The following GABRG3 variants were observed in gnomAD, a reference collection of about 807,000 sequenced individuals.
The protein encoded by GABRG3 is gamma-aminobutyric acid type A receptor subunit gamma3.
Under a neutral mutation model 48.8 loss-of-function variants are expected in GABRG3, and 25 were observed. That is an observed-to-expected ratio of 0.51 (90% CI 0.37 to 0.72). The LOEUF (loss-of-function observed/expected upper bound fraction) is 0.72, where lower values mean the gene tolerates loss of function less well. Ranked by LOEUF, GABRG3 falls within the 30% of genes least tolerant of loss-of-function variation. GABRG3 has a pLI of 0.00. For synonymous variants in GABRG3, 227 were observed against 217.6 expected (o/e 1.04, Z -0.38); for missense variants, 394 against 577.9 (o/e 0.68, Z 3.26).
At chr15:27,242,228 A>G (rs1890148222) in intron 3 of GABRG3, among the ~76,000 whole-genome samples, 1 of 152,216 alleles carries the variant, frequency 6.6e-6, no homozygotes, top group Non-Finnish European at 1.5e-5. Flanking sequence ...GGCTGCACCA[A>G]GCTGCAGAGG....
chr15:27,421,877 G>T (rs1484882448), intron 5 of GABRG3, among the ~76,000 whole-genome samples: 2 of 150,982 alleles, frequency 1.3e-5, no homozygotes, highest in Non-Finnish European at 3.0e-5. Context: ...GGAGTGGGCT[G>T]CATATCCACC....
intron 5 of GABRG3, among the ~76,000 whole-genome samples, chr15:27,342,842 G>T (rs989182525): frequency 2.0e-5 from 3 of 152,128 alleles, no homozygotes; most frequent in Admixed American, 2.0e-4. Flanking sequence ...CGTTGCTCCC[G>T]CCTCACCTGC....
chr15:27,118,821 G>A (rs1324300916), intron 3 of GABRG3, among the ~76,000 whole-genome samples: 1 of 152,166 alleles, frequency 6.6e-6, no homozygotes, highest in African/African-American at 2.4e-5. Flanking sequence ...TCTTGGCCCA[G>A]AGAGTTTTAT....
At chr15:27,437,925 C>T (rs1390032980) in intron 5 of GABRG3, among the ~76,000 whole-genome samples, 2 of 152,110 alleles carry the variant, frequency 1.3e-5, no homozygotes, top group African/African-American at 4.8e-5. Context: ...GTTCCAGGCT[C>T]TTTAAACAAC....
At chr15:27,281,605 CT>C (rs1891436139) in intron 3 of GABRG3, among the ~76,000 whole-genome samples, 1 of 151,278 alleles carries the variant, frequency 6.6e-6, no homozygotes, top group Admixed American at 6.6e-5. Context: ...TCTGTTGGTA[CT>C]TTGTATTTTT....
chr15:27,190,979 T>C (rs1054981656), intron 3 of GABRG3, among the ~76,000 whole-genome samples: 1 of 152,210 alleles, frequency 6.6e-6, no homozygotes, highest in Non-Finnish European at 1.5e-5. Context: ...CATTTCGTTA[T>C]GTACCCAGTA....
chr15:27,229,246 A>G (rs1396185998), intron 3 of GABRG3, among the ~76,000 whole-genome samples: 1 of 152,172 alleles, frequency 6.6e-6, no homozygotes, highest in Non-Finnish European at 1.5e-5. Context: ...CTTGTATATG[A>G]TATAAGGAAG....
At chr15:27,275,733 G>A (rs898832173) in intron 3 of GABRG3, among the ~76,000 whole-genome samples, 14 of 152,278 alleles carry the variant, frequency 9.2e-5, no homozygotes, top group Admixed American at 1.3e-4. Flanking sequence ...GCCAGGTTTC[G>A]CATTCCTTTT....
At chr15:27,300,691 A>C (rs933067010) in intron 3 of GABRG3, among the ~76,000 whole-genome samples, 5 of 151,840 alleles carry the variant, frequency 3.3e-5, no homozygotes, top group East Asian at 3.9e-4. Flanking sequence ...AAAAAAAAAA[A>C]AAAAAACACC....
intron 5 of GABRG3, among the ~76,000 whole-genome samples, chr15:27,417,686 C>T (rs1226644805): frequency 6.6e-6 from 1 of 152,148 alleles, no homozygotes; most frequent in African/African-American, 2.4e-5. Context: ...GGGGTCTCTA[C>T]CTCTGTCATT....
intron 2 of GABRG3, among the ~76,000 whole-genome samples, chr15:26,984,071 G>T (rs1895106271): frequency 6.6e-6 from 1 of 152,106 alleles, no homozygotes; most frequent in African/African-American, 2.4e-5. Flanking sequence ...CACTGTGGTG[G>T]TGAGTTTCTT....
intron 5 of GABRG3, among the ~76,000 whole-genome samples, chr15:27,443,130 G>A (rs571657507): frequency 3.3e-5 from 5 of 152,280 alleles, no homozygotes; most frequent in South Asian, 4.1e-4. Flanking sequence ...GGTGATGAGC[G>A]TGGGCCCTAA....
At chr15:27,170,475 A>G (rs1212272038) in intron 3 of GABRG3, among the ~76,000 whole-genome samples, 1 of 152,186 alleles carries the variant, frequency 6.6e-6, no homozygotes, top group Non-Finnish European at 1.5e-5. Context: ...CTTAAGAGTC[A>G]ATAAGGGAGA....
chr15:27,387,349 A>G (rs1279433213), intron 5 of GABRG3, among the ~76,000 whole-genome samples: 1 of 152,120 alleles, frequency 6.6e-6, no homozygotes, highest in Non-Finnish European at 1.5e-5. Flanking sequence ...TTGTTTTAGC[A>G]AGAAATAAAT....
At position 27,308,111 on chromosome 15, in the gene GABRG3, TAC is replaced by T. The variant is rs1436559661; in HGVS notation, c.271-18696_271-18695del. Among the ~76,000 whole-genome samples the T allele has an allele frequency of 6.8e-5, 9 of 131,456 alleles. 2 individuals carry two copies. Among genetic ancestry groups the T allele is most frequent in the African/African-American group, 2.6e-4 (9 of 34,860 alleles). 86.2% of individuals were successfully genotyped at this position (131,456 alleles called of 152,430 possible). A position where few individuals can be genotyped will look rare whatever the true frequency, so the allele number is the denominator to read the frequency against. On this transcript the variant is annotated intron_variant, in intron 3 of 9. Transcript: ENST00000615808. Reference sequence around the variant, plus strand: ...AAACATATATAAACATATATGTTTATACATCCAAACATATATAAACATATATG... The same window carrying T: ...AAACATATATAAACATATATGTTTATATCCAAACATATATAAACATATATG...
intron 3 of GABRG3, among the ~76,000 whole-genome samples, chr15:27,104,698 G>A (rs1191221252): frequency 6.6e-6 from 1 of 152,206 alleles, no homozygotes; most frequent in Non-Finnish European, 1.5e-5. Context: ...AGCCCCAGGT[G>A]CTGTTTGCTT....
At position 27,193,519 on chromosome 15, in the gene GABRG3, G is replaced by A. The variant is rs997670247; in HGVS notation, c.271-133290G>A. ...AGACTCCGTGGGCGTAGGACCCTCC[G>A]AGCCAGGTGCAGGATATAATCTCCT... On this transcript the variant is annotated intron_variant, in intron 3 of 9. Coordinates refer to ENST00000615808, the MANE Select transcript of GABRG3 (RefSeq NM_033223.5). 2.2e-4 allele frequency among the ~76,000 whole-genome samples: 33 copies of A among 152,058 alleles called. 2 individuals are homozygous for A. The highest frequency in any genetic ancestry group is 6.3e-4 in the South Asian group (3 of 4,772).
chr15:27,343,217 GC>G (rs1317032816), intron 5 of GABRG3, among the ~76,000 whole-genome samples: 3 of 152,150 alleles, frequency 2.0e-5, no homozygotes, highest in Non-Finnish European at 4.4e-5. Flanking sequence ...CCACGTGGCA[GC>G]TCTAGCAGGG....
chr15:26,972,571 C>T (rs950743559), intron 1 of GABRG3, among the ~76,000 whole-genome samples: 5 of 152,138 alleles, frequency 3.3e-5, no homozygotes, highest in African/African-American at 1.2e-4. Flanking sequence ...CCCCCAAACC[C>T]TCTTGTTTTG....
Sources: gnomAD v4.1 joint callset for allele counts (sites outside exome capture counted in the v4.1 genomes callset) on GRCh38, gnomAD v4.1.1 for gene constraint, MANE v1.5 for transcripts, NCBI Gene and HGNC (gene_info 2026-07-23, HGNC 2026-07-21) for gene names.